The following HSF2BP variants were observed in gnomAD, a reference collection of about 807,000 sequenced individuals.
HSF2BP encodes the protein heat shock factor 2-binding protein.
HSF2BP carries 35 observed loss-of-function variants against 35.0 expected under a neutral mutation model. The ratio of observed to expected loss-of-function variants is 1.00; its 90% CI spans 0.76 to 1.32. HSF2BP has a LOEUF of 1.32. Among genes scored for constraint, HSF2BP ranks in the 40% most tolerant of loss-of-function variants. The probability of loss-of-function intolerance (pLI) is 0.00; values close to 1 mark genes in which losing one functional copy is unlikely to be tolerated. For missense variants in HSF2BP, 326 were observed against 321.7 expected, an observed-to-expected ratio of 1.01 and a Z score of -0.10; for synonymous variants, 114 against 117.4, an observed-to-expected ratio of 0.97 and a Z score of 0.18.
chr21:43,601,301 C>T (rs150721140), intron 7 of HSF2BP, among the ~76,000 whole-genome samples: 9 of 152,258 alleles, frequency 5.9e-5, no homozygotes, highest in Middle Eastern at 3.4e-3. Context: ...TTGTAATCAT[C>T]AGACTGTGAT....
rs1353325756 is a variant in HSF2BP, at chr21:43,592,217, C to T, written c.796+8G>A. ...ACAAGCAGCTGGACAGATAACCACC[C>T]CCCTTACCACTCAAAAGCCACCACA... On this transcript the variant is annotated splice_region_variant and intron_variant, in intron 8 of 8. Coordinates refer to ENST00000291560, the MANE Select transcript of HSF2BP (RefSeq NM_007031.2). The T allele has an allele frequency of 6.3e-7, 1 of 1,588,426 alleles. No homozygotes were observed. The highest frequency in any genetic ancestry group is 8.6e-7 in the Non-Finnish European group (1 of 1,156,810).
In HSF2BP at chr21:43,592,944, T is replaced by C. The variant is rs143028435; in HGVS notation, c.693-616A>G. On this transcript the variant is annotated intron_variant, in intron 7 of 8. Coordinates refer to ENST00000291560, the MANE Select transcript of HSF2BP (RefSeq NM_007031.2). ...TCAGAAACTACAGGACTTTGGTTTCTGCAAATACTGCAAAATACAGAGAAC... is the reference window on the plus strand; with the variant it reads ...TCAGAAACTACAGGACTTTGGTTTCCGCAAATACTGCAAAATACAGAGAAC... 1.5e-3 allele frequency among the ~76,000 whole-genome samples: 229 copies of C among 152,332 alleles called. 2 individuals carry two copies. Among genetic ancestry groups the C allele is most frequent in the African/African-American group, 5.3e-3 (219 of 41,578 alleles).
intron 7 of HSF2BP, among the ~76,000 whole-genome samples, 179 bp downstream of exon 7, chr21:43,613,645 CTTAAAT>C (rs1195994742): frequency 6.6e-6 from 1 of 152,164 alleles, no homozygotes; most frequent in Non-Finnish European, 1.5e-5. Flanking sequence ...ACATTCCTTC[CTTAAAT>C]TTATTTTCTA....
At chr21:43,581,289 GGC>G (rs1217279707) in intron 8 of HSF2BP, among the ~76,000 whole-genome samples, 1 of 152,078 alleles carries the variant, frequency 6.6e-6, no homozygotes, top group Non-Finnish European at 1.5e-5. Flanking sequence ...GGGAGGCTGA[GGC>G]AGAAGAATGG....
chr21:43,641,508 G>C (rs2082636394), intron 4 of HSF2BP, among the ~76,000 whole-genome samples: 1 of 152,168 alleles, frequency 6.6e-6, no homozygotes, highest in Non-Finnish European at 1.5e-5. Context: ...TTCCTTGTTT[G>C]AGTAGCCTTT....
intron 3 of HSF2BP, 100 bp downstream of exon 3, chr21:43,656,487 G>A: frequency 2.6e-6 from 3 of 1,145,226 alleles, no homozygotes; most frequent in Non-Finnish European, 3.8e-6. Context: ...CACAAGGACT[G>A]TAAGAGTACC....
chr21:43,602,619 G>T (rs1196405838), intron 7 of HSF2BP, among the ~76,000 whole-genome samples: 4 of 152,176 alleles, frequency 2.6e-5, no homozygotes, highest in Non-Finnish European at 5.9e-5. Flanking sequence ...AACTCCAAGA[G>T]GCATTTCTGT....
chr21:43,624,176 T>C (rs1405016875), intron 6 of HSF2BP, among the ~76,000 whole-genome samples: 1 of 152,124 alleles, frequency 6.6e-6, no homozygotes, highest in Non-Finnish European at 1.5e-5. Flanking sequence ...CACATAAACT[T>C]CTGCACAAAT....
chr21:43,645,677 CAA>C (rs1381727654), intron 3 of HSF2BP, among the ~76,000 whole-genome samples: 8 of 152,174 alleles, frequency 5.3e-5, no homozygotes, highest in Non-Finnish European at 1.0e-4. Flanking sequence ...GAGAAAGCCT[CAA>C]AGAGCCAGGC....
chr21:43,622,035 G>A (rs1038825359), intron 6 of HSF2BP, among the ~76,000 whole-genome samples: 9 of 152,116 alleles, frequency 5.9e-5, no homozygotes, highest in Admixed American at 3.9e-4. Context: ...TGGAGTTAAA[G>A]TATAGGGGTA....
In HSF2BP at chr21:43,591,593, T is replaced by C. The variant is rs140261794; in HGVS notation, c.796+632A>G. On this transcript the variant is annotated intron_variant, in intron 8 of 8. Coordinates refer to ENST00000291560, the MANE Select transcript of HSF2BP (RefSeq NM_007031.2). ...TTTTAAAAGAAAGAACATCTTACAA[T>C]CAATCCTACTTTCTAATACTTTAAA... Among the ~76,000 whole-genome samples the C allele has an allele frequency of 2.1e-3, 318 of 152,304 alleles. 1 individual carries two copies. Among genetic ancestry groups the C allele is most frequent in the Middle Eastern group, 0.01 (3 of 294 alleles).
chr21:43,646,168 G>C (rs1041780787), intron 3 of HSF2BP, among the ~76,000 whole-genome samples: 1 of 150,574 alleles, frequency 6.6e-6, no homozygotes, highest in Non-Finnish European at 1.5e-5. Context: ...AAAAAAAGTG[G>C]TTCTCAGAAA....
rs191252505 is a variant in HSF2BP at position 43,645,618 on chromosome 21, G to C, written c.188-1226C>G. Among the ~76,000 whole-genome samples, 504 of 152,290 alleles carry C rather than the reference G, an allele frequency of 3.3e-3. 6 individuals carry two copies. The highest frequency in any genetic ancestry group is 0.019 in the South Asian group (90 of 4,826). On this transcript the variant is annotated intron_variant, in intron 3 of 8. Coordinates refer to ENST00000291560, the MANE Select transcript of HSF2BP (RefSeq NM_007031.2). Reference sequence around the variant, plus strand: ...AATCCTTGAACTGAGAAAAACACAAGGCAACTCTGGTTATCTGTTTCATTC... The same window carrying C: ...AATCCTTGAACTGAGAAAAACACAACGCAACTCTGGTTATCTGTTTCATTC...
intron 7 of HSF2BP, among the ~76,000 whole-genome samples, chr21:43,613,011 CAA>C (rs2082228012): frequency 1.3e-5 from 2 of 152,134 alleles, no homozygotes; most frequent in African/African-American, 2.4e-5. Context: ...CCAGCTGACT[CAA>C]GAGTTAATCA....
intron 3 of HSF2BP, among the ~76,000 whole-genome samples, chr21:43,645,081 C>A (rs2082690660): frequency 6.6e-6 from 1 of 152,120 alleles, no homozygotes. Context: ...CTCGAAAAAA[C>A]AAATATATAA....
intron 4 of HSF2BP, among the ~76,000 whole-genome samples, chr21:43,638,408 C>A (rs985772056): frequency 6.6e-6 from 1 of 151,590 alleles, no homozygotes; most frequent in Non-Finnish European, 1.5e-5. Flanking sequence ...TAGTGAGCTG[C>A]GATCACACCA....
chr21:43,657,957 G>A, intron 2 of HSF2BP, 104 bp downstream of exon 2: 2 of 1,519,302 alleles, frequency 1.3e-6, no homozygotes, highest in Non-Finnish European at 1.8e-6. Context: ...CTTCCCCCAA[G>A]CACGCGACAG....
intron 2 of HSF2BP, 103 bp from the exon 3 acceptor site, chr21:43,656,840 G>T: frequency 2.2e-6 from 2 of 918,136 alleles, no homozygotes; most frequent in Non-Finnish European, 3.4e-6. Flanking sequence ...GTGCATCGTT[G>T]TTTCAAATCA....
At chr21:43,652,747 G>C (rs920580559) in intron 3 of HSF2BP, among the ~76,000 whole-genome samples, 2 of 152,174 alleles carry the variant, frequency 1.3e-5, no homozygotes, top group African/African-American at 4.8e-5. Context: ...TAAACCTCCT[G>C]GAACCAGCCC....
Sources: gnomAD v4.1 joint callset for allele counts (sites outside exome capture counted in the v4.1 genomes callset) on GRCh38, gnomAD v4.1.1 for gene constraint, MANE v1.5 for transcripts, NCBI Gene and HGNC (gene_info 2026-07-23, HGNC 2026-07-21) for gene names.